FSD2: variants seen among roughly 807,000 people sequenced by gnomAD.
The protein encoded by FSD2 is fibronectin type III and SPRY domain-containing protein 2.
In FSD2, 71 loss-of-function variants were observed where a neutral mutation model predicts 80.4. That is an observed-to-expected ratio of 0.88 (90% CI 0.73 to 1.08). The LOEUF (loss-of-function observed/expected upper bound fraction) is 1.08. Ranked by LOEUF, FSD2 falls within the 50% of genes least tolerant of loss-of-function variation. The pLI is 0.00. For synonymous variants in FSD2, 361 were observed against 329.5 expected, an observed-to-expected ratio of 1.10 and a Z score of -1.03; for missense variants, 923 against 913.8, an observed-to-expected ratio of 1.01 and a Z score of -0.13.
chr15:82,791,288 G>C lies in FSD2; in HGVS notation c.-78-3820C>G, dbSNP rs577138739. On this transcript the variant is annotated intron_variant, in intron 1 of 12. Transcript: ENST00000334574. ...GCTGGGATTACAGGCGTGAGCCACC[G>C]CACCCGGCAATTCAGTGGTTTTTAG... Among the ~76,000 whole-genome samples, 105 of 152,178 alleles carry C rather than the reference G, an allele frequency of 6.9e-4. 1 individual carries two copies. In the East Asian group the frequency reaches 0.015, roughly 22 times the overall value.
chr15:82,769,414 A>G (rs2049505025), intron 8 of FSD2, among the ~76,000 whole-genome samples: 3 of 125,912 alleles, frequency 2.4e-5, no homozygotes, highest in Admixed American at 8.0e-5. Flanking sequence ...TTCTAAAAAT[A>G]CAAAAAAAAA....
intron 3 of FSD2, among the ~76,000 whole-genome samples, chr15:82,783,716 C>T (rs1340763265): frequency 6.6e-6 from 1 of 152,184 alleles, no homozygotes; most frequent in Non-Finnish European, 1.5e-5. Context: ...ATCTATCATT[C>T]TCTCCTGAGC....
intron 11 of FSD2, among the ~76,000 whole-genome samples, chr15:82,763,219 G>A (rs2049331571): frequency 6.6e-6 from 1 of 152,142 alleles, no homozygotes; most frequent in South Asian, 2.1e-4. Context: ...CCAAAGTTTG[G>A]GGTGTAGTGG....
At chr15:82,780,315 T>C (rs1379494222) in intron 4 of FSD2, 48 bp from the exon 5 acceptor site, 3 of 1,322,488 alleles carry the variant, frequency 2.3e-6, no homozygotes, top group Non-Finnish European at 3.1e-6. Flanking sequence ...GAAATAAATT[T>C]CTTTTTTCTT....
chr15:82,766,273 C>T (rs1352628534), intron 9 of FSD2, among the ~76,000 whole-genome samples: 1 of 152,190 alleles, frequency 6.6e-6, no homozygotes, highest in Non-Finnish European at 1.5e-5. Context: ...TCTCCAAGTC[C>T]CTCATTCTGG....
At chr15:82,795,621 G>T (rs941232593) in intron 1 of FSD2, among the ~76,000 whole-genome samples, 1 of 152,112 alleles carries the variant, frequency 6.6e-6, no homozygotes, top group Non-Finnish European at 1.5e-5. Flanking sequence ...TTTGAGCTCA[G>T]GAGTTTGAGA....
intron 1 of FSD2, among the ~76,000 whole-genome samples, chr15:82,793,522 A>T (rs548999233): frequency 1.3e-5 from 2 of 152,300 alleles, no homozygotes; most frequent in African/African-American, 4.8e-5. Flanking sequence ...TACCAATCAC[A>T]CATGCAGAAA....
Position 82,767,070 on chromosome 15 carries a change from A to G in FSD2, c.1554-1039T>C, listed in dbSNP as rs55973627. Among the ~76,000 whole-genome samples the G allele has an allele frequency of 2.2e-3, 332 of 152,260 alleles. 1 individual carries two copies. Among genetic ancestry groups the G allele is most frequent in the Admixed American group, 5.2e-3 (80 of 15,286 alleles). ...AGGGGCACTTTTACTTATGCATTCA[A>G]TAAATGTTAACTAAACTCCTTAGGT... is the stretch of plus-strand genomic sequence containing the variant. On this transcript the variant is annotated intron_variant, in intron 9 of 12. Coordinates refer to ENST00000334574, the MANE Select transcript of FSD2 (RefSeq NM_001007122.4).
intron 1 of FSD2, among the ~76,000 whole-genome samples, chr15:82,794,518 A>G (rs1357104132): frequency 6.6e-6 from 1 of 152,114 alleles, no homozygotes; most frequent in Non-Finnish European, 1.5e-5. Context: ...TTATAGTATT[A>G]TTTAAGTCTT....
intron 9 of FSD2, among the ~76,000 whole-genome samples, chr15:82,766,274 C>T (rs563163880): frequency 1.3e-5 from 2 of 152,324 alleles, no homozygotes; most frequent in East Asian, 3.9e-4. Flanking sequence ...CTCCAAGTCC[C>T]TCATTCTGGT....
At chr15:82,765,593 A>C (rs1352487561) in intron 10 of FSD2, among the ~76,000 whole-genome samples, 1 of 152,104 alleles carries the variant, frequency 6.6e-6, no homozygotes, top group Admixed American at 6.5e-5. Context: ...ATAGAACTTA[A>C]ACTTGAACCC....
chr15:82,770,641 A>G (rs1191446495), intron 7 of FSD2, among the ~76,000 whole-genome samples: 1 of 152,178 alleles, frequency 6.6e-6, no homozygotes, highest in Non-Finnish European at 1.5e-5. Flanking sequence ...ACTACACTCC[A>G]GCCTGAGTGA....
chr15:82,801,001 C>T (rs917360024), intron 1 of FSD2, among the ~76,000 whole-genome samples: 4 of 152,168 alleles, frequency 2.6e-5, no homozygotes, highest in African/African-American at 9.7e-5. Flanking sequence ...CCTACACCTG[C>T]CCCAATGTAA....
intron 1 of FSD2, among the ~76,000 whole-genome samples, chr15:82,793,081 G>A (rs1487262359): frequency 6.6e-6 from 1 of 152,042 alleles, no homozygotes; most frequent in Non-Finnish European, 1.5e-5. Context: ...TTCTTTGTGG[G>A]TGGTGTATTG....
intron 12 of FSD2, among the ~76,000 whole-genome samples, chr15:82,760,735 G>GCA (rs1555475153): frequency 3.1e-5 from 2 of 64,646 alleles, no homozygotes; most frequent in African/African-American, 1.6e-4. Flanking sequence ...GTGTGTGCGT[G>GCA]CACGCACACA....
intron 6 of FSD2, 24 bp from the exon 7 acceptor site, chr15:82,772,252 A>C: frequency 6.3e-7 from 1 of 1,591,438 alleles, no homozygotes; most frequent in East Asian, 2.3e-5. Flanking sequence ...AGAAAAAAGA[A>C]GAGGAACCTC....
chr15:82,767,147 C>T (rs771964130), intron 9 of FSD2, among the ~76,000 whole-genome samples: 6 of 152,210 alleles, frequency 3.9e-5, no homozygotes, highest in Non-Finnish European at 8.8e-5. Context: ...AGTTCCTGCC[C>T]TCATAGAGCT....
At chr15:82,798,919 C>T (rs2050346528) in intron 1 of FSD2, among the ~76,000 whole-genome samples, 1 of 133,582 alleles carries the variant, frequency 7.5e-6, no homozygotes, top group African/African-American at 2.9e-5. Context: ...GCTCTGTTGC[C>T]CAGGTTGGAG....
chr15:82,792,981 A>G (rs1049583400), intron 1 of FSD2, among the ~76,000 whole-genome samples: 5 of 152,162 alleles, frequency 3.3e-5, no homozygotes, highest in African/African-American at 9.6e-5. Flanking sequence ...CTATTCTTCT[A>G]TTTTTTGGAA....
Sources: allele counts gnomAD v4.1 joint callset (sites outside exome capture counted in the v4.1 genomes callset), GRCh38; gene constraint gnomAD v4.1.1; transcripts MANE v1.5; gene names NCBI Gene and HGNC (gene_info 2026-07-23, HGNC 2026-07-21).